The following CNTNAP2 variants were observed in gnomAD, a reference collection of about 807,000 sequenced individuals.
CNTNAP2 encodes contactin associated protein 2.
Under a neutral mutation model 155.2 loss-of-function variants are expected in CNTNAP2, and 98 were observed. That is an observed-to-expected ratio of 0.63 (90% confidence interval 0.54 to 0.75). The LOEUF is 0.75. Among genes scored for constraint, CNTNAP2 ranks in the 30% least tolerant of loss-of-function variants. The pLI is 0.00. For synonymous variants in CNTNAP2, 651 were observed against 631.2 expected (o/e 1.03, Z -0.47); for missense variants, 1,727 against 1,688.1 (o/e 1.02, Z -0.40).
At chr7:146,763,535 T>C (rs1352370417) in intron 1 of CNTNAP2, among the ~76,000 whole-genome samples, 2 of 152,176 alleles carry the variant, frequency 1.3e-5, no homozygotes, top group African/African-American at 2.4e-5. Context: ...TAAATTGTCA[T>C]TGAAGGAAAT....
chr7:147,515,009 T>C (rs1799093951), intron 11 of CNTNAP2, among the ~76,000 whole-genome samples: 1 of 152,196 alleles, frequency 6.6e-6, no homozygotes, highest in African/African-American at 2.4e-5. Flanking sequence ...CCCTGAACTA[T>C]ACCTCGATGA....
chr7:146,748,230 C>G (rs1260749343), intron 1 of CNTNAP2, among the ~76,000 whole-genome samples: 1 of 148,360 alleles, frequency 6.7e-6, no homozygotes, highest in Non-Finnish European at 1.5e-5. Flanking sequence ...ACTGCAAGCT[C>G]TGCTTCCCGG....
intron 15 of CNTNAP2, among the ~76,000 whole-genome samples, chr7:148,042,198 G>A (rs1350555863): frequency 2.0e-5 from 3 of 152,210 alleles, no homozygotes; most frequent in Non-Finnish European, 2.9e-5. Flanking sequence ...CACGTTCAGT[G>A]ACTCCACTTC....
chr7:148,181,168 C>T (rs1795032304), intron 18 of CNTNAP2, among the ~76,000 whole-genome samples: 1 of 152,124 alleles, frequency 6.6e-6, no homozygotes, highest in Admixed American at 6.5e-5. Context: ...CCACTGGTAC[C>T]CCAGGGTCTC....
At position 146,116,814 on chromosome 7, in the gene CNTNAP2, A is replaced by G. The variant is rs1350423640; in HGVS notation, c.-63A>G. On this transcript the variant is annotated 5_prime_UTR_variant, in exon 1 of 24. Coordinates refer to ENST00000361727, the MANE Select transcript of CNTNAP2 (RefSeq NM_014141.6). This position sits in a 1 kb window ranked among gnomAD's most constrained non-coding sequence, Gnocchi z 5.5. ...CAGCCCATCTCCCTTCAAGAACCCT[A>G]CGGAGAGTCGGACTGCATCTCCGCA... The G allele has an allele frequency of 8.2e-6, 11 of 1,338,638 alleles. No homozygotes were observed. The highest frequency in any genetic ancestry group is 8.1e-5 in the Admixed American group (4 of 49,322). 82.9% of individuals were successfully genotyped at this position (1,338,638 alleles called of 1,614,324 possible).
At chr7:147,025,485 C>T (rs1194824961) in intron 3 of CNTNAP2, among the ~76,000 whole-genome samples, 1 of 5,798 alleles carries the variant, frequency 1.7e-4, no homozygotes, top group Non-Finnish European at 2.9e-4. Context: ...GGGGAGGGGA[C>T]GGGAGGGGAG....
chr7:147,550,206 C>T (rs76577731), intron 11 of CNTNAP2, among the ~76,000 whole-genome samples: 1 of 152,106 alleles, frequency 6.6e-6, no homozygotes, highest in Admixed American at 6.6e-5. Context: ...GTGGGGTTCT[C>T]TTTTTTGAGA....
At chr7:146,715,456 G>A (rs761878335) in intron 1 of CNTNAP2, among the ~76,000 whole-genome samples, 23 of 152,228 alleles carry the variant, frequency 1.5e-4, no homozygotes, top group Non-Finnish European at 3.4e-4. Flanking sequence ...CTATTGTCCA[G>A]CATTATTTGT....
At chr7:146,398,271 T>C (rs1795662619) in intron 1 of CNTNAP2, among the ~76,000 whole-genome samples, 1 of 147,672 alleles carries the variant, frequency 6.8e-6, no homozygotes, top group African/African-American at 2.5e-5. Flanking sequence ...TTTAATTGAC[T>C]CACACTTCCA....
At chr7:147,105,946 C>A (rs934917265) in intron 4 of CNTNAP2, among the ~76,000 whole-genome samples, 22 of 151,896 alleles carry the variant, frequency 1.4e-4, no homozygotes, top group African/African-American at 5.1e-4. Context: ...AAAAAATAAG[C>A]CATCTTCATC....
At chr7:146,419,151 C>A (rs1452204741) in intron 1 of CNTNAP2, among the ~76,000 whole-genome samples, 2 of 152,084 alleles carry the variant, frequency 1.3e-5, no homozygotes, top group African/African-American at 4.8e-5. Context: ...GCCTCACAAT[C>A]ATGGTAGAAG....
chr7:146,668,939 C>CT (rs1490984949), intron 1 of CNTNAP2, among the ~76,000 whole-genome samples: 16 of 151,890 alleles, frequency 1.1e-4, no homozygotes, highest in Non-Finnish European at 4.4e-5. Context: ...CATTTTAATT[C>CT]TTTTCAAATT....
intron 21 of CNTNAP2, among the ~76,000 whole-genome samples, chr7:148,318,535 C>T (rs1797731676): frequency 6.6e-6 from 1 of 152,136 alleles, no homozygotes; most frequent in South Asian, 2.1e-4. Flanking sequence ...GGGCCAAAAA[C>T]TTCCTAAACT....
intron 1 of CNTNAP2, among the ~76,000 whole-genome samples, chr7:146,444,662 T>C (rs1468562924): frequency 8.3e-6 from 1 of 119,786 alleles, no homozygotes; most frequent in Non-Finnish European, 1.6e-5. Flanking sequence ...CCTCTCTCTC[T>C]TTTTTTTTTT....
At chr7:146,837,169 C>T (rs981865156) in intron 2 of CNTNAP2, among the ~76,000 whole-genome samples, 2 of 152,072 alleles carry the variant, frequency 1.3e-5, no homozygotes, top group Non-Finnish European at 2.9e-5. Context: ...TCTGTCATCT[C>T]TGCTTGTAGT....
intron 1 of CNTNAP2, among the ~76,000 whole-genome samples, chr7:146,628,520 G>C (rs2129158207): frequency 6.6e-6 from 1 of 152,088 alleles, no homozygotes; most frequent in East Asian, 1.9e-4. Context: ...ATTATGTCAG[G>C]TAATGCATAT....
Position 147,760,177 on chromosome 7 carries a change from G to C in CNTNAP2, c.2098+120871G>C, listed in dbSNP as rs149981476. Among the ~76,000 whole-genome samples the C allele has an allele frequency of 1.3e-3, 204 of 151,392 alleles. 2 individuals carry two copies. The highest frequency in any genetic ancestry group is 4.7e-3 in the African/African-American group (195 of 41,202). On this transcript the variant is annotated intron_variant, in intron 13 of 23. Coordinates refer to ENST00000361727, the MANE Select transcript of CNTNAP2 (RefSeq NM_014141.6). ...CTCTCCATATGATGATTTATCATTTGTAACACACTCAGAGTGCACAAACCA... is the reference window on the plus strand; with the variant it reads ...CTCTCCATATGATGATTTATCATTTCTAACACACTCAGAGTGCACAAACCA...
chr7:147,386,006 C>G (rs1796619525), intron 9 of CNTNAP2, among the ~76,000 whole-genome samples: 1 of 152,204 alleles, frequency 6.6e-6, no homozygotes, highest in African/African-American at 2.4e-5. Flanking sequence ...TGTGCACCCA[C>G]AGGCTCAATA....
chr7:147,109,916 T>C (rs867797233), intron 5 of CNTNAP2, among the ~76,000 whole-genome samples: 78 of 151,522 alleles, frequency 5.1e-4, no homozygotes, highest in African/African-American at 1.7e-3. Context: ...TTTATTTATT[T>C]ATTTATTTAT....
Sources: gnomAD v4.1 joint callset for allele counts (sites outside exome capture counted in the v4.1 genomes callset) on GRCh38, gnomAD v4.1.1 for gene constraint, Gnocchi (gnomAD v3.1) non-coding constraint, MANE v1.5 for transcripts, NCBI Gene and HGNC (gene_info 2026-07-23, HGNC 2026-07-21) for gene names.